Variants in HMGCL observed in about 807,000 individuals in gnomAD.
HMGCL encodes the protein hydroxymethylglutaryl-CoA lyase, mitochondrial.
HMGCL carries 26 observed loss-of-function variants against 37.3 expected under a neutral mutation model. The observed-to-expected ratio is 0.70, with a 90% CI of 0.51 to 0.97. The LOEUF is 0.97. HMGCL is among the 50% of genes least tolerant of loss of function. HMGCL has a pLI of 0.00. For missense variants in HMGCL, 379 were observed against 398.1 expected, an observed-to-expected ratio of 0.95 and a Z score of 0.41; for synonymous variants, 151 against 148.0, an observed-to-expected ratio of 1.02 and a Z score of -0.15.
At chr1:23,820,693 G>A in intron 1 of HMGCL, 100 bp from the exon 2 acceptor site, 1 of 809,272 alleles carries the variant, frequency 1.2e-6, no homozygotes, top group Admixed American at 1.8e-5. Context: ...CTAATAATGA[G>A]ACAAGAAGAA....
intron 7 of HMGCL, among the ~76,000 whole-genome samples, chr1:23,807,813 A>G (rs942926256): frequency 2.2e-4 from 34 of 152,202 alleles, no homozygotes; most frequent in African/African-American, 7.9e-4. Flanking sequence ...ATGTTCTTCA[A>G]GCTTCACTGA....
At chr1:23,824,664 A>G (rs1186898184) in intron 1 of HMGCL, among the ~76,000 whole-genome samples, 2 of 152,222 alleles carry the variant, frequency 1.3e-5, no homozygotes, top group Non-Finnish European at 2.9e-5. Context: ...AATTTCCAAA[A>G]CAACCCCAAG....
rs143884026 is a variant in HMGCL, at chr1:23,808,222, G to A, written c.663C>T (p.Val221=). Residue 221 remains valine, a synonymous_variant, in exon 7 of 9, where the codon GTC becomes GTT. Coordinates refer to ENST00000374490, the MANE Select transcript of HMGCL (RefSeq NM_000191.3). ...PGIMKDMLSA[V]MQEVPLAALA... ...GGGCAGCCAGAGGCACTTCCTGCAT[G>A]ACAGCAGATAGCATGTCTTTCATGA... The A allele has an allele frequency of 1.2e-4, 195 of 1,613,990 alleles. No individual in the cohort carries two copies. The African/African-American group carries it at 1.6e-3, about 13-fold the overall frequency.
At chr1:23,823,346 A>ATATTTATT (rs57499593) in intron 1 of HMGCL, among the ~76,000 whole-genome samples, 2,678 of 147,924 alleles carry the variant, frequency 0.018, 71 homozygotes, top group African/African-American at 0.06. Context: ...AGCCATTTAC[A>ATATTTATT]TATTTATTTA....
chr1:23,816,610 A>G (rs1638617944), intron 4 of HMGCL, 65 bp downstream of exon 4: 3 of 996,864 alleles, frequency 3.0e-6, no homozygotes, highest in South Asian at 2.5e-5. Context: ...AGGCGCCAAG[A>G]CAAGGCAGGG....
intron 6 of HMGCL, 77 bp downstream of exon 6, chr1:23,810,659 G>T: frequency 8.2e-7 from 1 of 1,220,526 alleles, no homozygotes; most frequent in Non-Finnish European, 1.2e-6. Context: ...AAAGGGTGGG[G>T]AGAGGAACCT....
chr1:23,821,704 A>G (rs574701218), intron 1 of HMGCL, among the ~76,000 whole-genome samples: 1 of 152,180 alleles, frequency 6.6e-6, no homozygotes, highest in East Asian at 1.9e-4. Context: ...ATGCTTTCCA[A>G]TTAAGAAAAG....
chr1:23,810,682 G>T, intron 6 of HMGCL, 54 bp downstream of exon 6: 1 of 1,479,952 alleles, frequency 6.8e-7, no homozygotes, highest in Non-Finnish European at 9.4e-7. Context: ...GCGCTCAGGG[G>T]CAGACAAGGT....
intron 5 of HMGCL, among the ~76,000 whole-genome samples, chr1:23,813,181 T>G (rs1638551395): frequency 1.3e-5 from 2 of 150,836 alleles, no homozygotes; most frequent in Admixed American, 6.6e-5. Context: ...TGAGCCACCA[T>G]GTTCAGCCCA....
intron 1 of HMGCL, among the ~76,000 whole-genome samples, chr1:23,822,266 T>C (rs1638735594): frequency 6.6e-6 from 1 of 152,118 alleles, no homozygotes; most frequent in African/African-American, 2.4e-5. Flanking sequence ...GTTACAGTCA[T>C]AGGCTGGGTG....
chr1:23,824,458 A>G (rs1638779907), intron 1 of HMGCL, among the ~76,000 whole-genome samples: 1 of 152,198 alleles, frequency 6.6e-6, no homozygotes, highest in Non-Finnish European at 1.5e-5. Flanking sequence ...CATTTTACAC[A>G]TGAGCAGGTG....
intron 6 of HMGCL, chr1:23,809,663 A>G (rs1557488623): frequency 6.6e-6 from 1 of 152,148 alleles, no homozygotes; most frequent in Non-Finnish European, 1.5e-5. Context: ...CAATTGGAAT[A>G]AGCCATACTG....
At chr1:23,822,227 A>G (rs1440320401) in intron 1 of HMGCL, among the ~76,000 whole-genome samples, 2 of 152,120 alleles carry the variant, frequency 1.3e-5, no homozygotes, top group African/African-American at 4.8e-5. Context: ...TTTTCGGGGT[A>G]TGGGCGAGAT....
chr1:23,805,877 G>A (rs920223284), intron 7 of HMGCL, among the ~76,000 whole-genome samples: 1 of 151,776 alleles, frequency 6.6e-6, no homozygotes, highest in Non-Finnish European at 1.5e-5. Context: ...TCTCTCACCT[G>A]GATTGCTGTA....
Position 23,804,536 on chromosome 1 carries a change from A to G in HMGCL, c.751-11T>C, listed in dbSNP as rs775623783. On this transcript the variant is annotated splice_polypyrimidine_tract_variant and intron_variant, in intron 7 of 8. Coordinates refer to ENST00000374490, the MANE Select transcript of HMGCL (RefSeq NM_000191.3). Reference sequence around the variant, plus strand: ...GACACTCACTCCCATCTAGAAACATAAGGATGGTGAAACACAGTTGTTGCT... The same window carrying G: ...GACACTCACTCCCATCTAGAAACATGAGGATGGTGAAACACAGTTGTTGCT... The G allele has an allele frequency of 7.4e-6, 12 of 1,613,914 alleles. No homozygotes were observed. The highest frequency in any genetic ancestry group is 1.7e-5 in the Admixed American group (1 of 59,998).
intron 6 of HMGCL, 25 bp downstream of exon 6, chr1:23,810,711 C>T (rs762081037): frequency 6.2e-7 from 1 of 1,611,648 alleles, no homozygotes; most frequent in Admixed American, 1.7e-5. Context: ...CTCACCAAAC[C>T]CCCCGCCCTG....
chr1:23,806,798 G>T lies in HMGCL; in HGVS notation c.750+1337C>A. ...AACAGTGCCTAGCACACTAGGCACCGTTAGGTTAGGTTTTAATAGGTGAAT... is the reference window on the plus strand; with the variant it reads ...AACAGTGCCTAGCACACTAGGCACCTTTAGGTTAGGTTTTAATAGGTGAAT... On this transcript the variant is annotated intron_variant, in intron 7 of 8. Transcript: ENST00000374490. This position sits in a 1 kb window ranked among gnomAD's most constrained non-coding sequence, Gnocchi z 4.0. The T allele has an allele frequency of 2.7e-6, 1 of 373,750 alleles. No homozygotes were observed. Among genetic ancestry groups the T allele is most frequent in the Non-Finnish European group, 5.3e-6 (1 of 189,280 alleles). 23.2% of individuals were successfully genotyped at this position (373,750 alleles called of 1,614,324 possible). A position where few individuals can be genotyped will look rare whatever the true frequency, so the allele number is the denominator to read the frequency against.
chr1:23,813,758 G>A, intron 5 of HMGCL: 1 of 217,686 alleles, frequency 4.6e-6, no homozygotes, highest in Non-Finnish European at 9.4e-6. Flanking sequence ...TGGAAACATA[G>A]AAGCCTAGGT....
At chr1:23,812,863 T>G (rs1250997046) in intron 5 of HMGCL, among the ~76,000 whole-genome samples, 1 of 152,158 alleles carries the variant, frequency 6.6e-6, no homozygotes, top group African/African-American at 2.4e-5. Context: ...AGGAGGGATG[T>G]GATCAGATGT....
Sources: gnomAD v4.1 joint callset for allele counts (sites outside exome capture counted in the v4.1 genomes callset) on GRCh38, gnomAD v4.1.1 for gene constraint, Gnocchi (gnomAD v3.1) non-coding constraint, MANE v1.5 for transcripts, NCBI Gene and HGNC (gene_info 2026-07-23, HGNC 2026-07-21) for gene names.